ZNF93: variants seen among roughly 807,000 people sequenced by gnomAD.
ZNF93 encodes zinc finger protein 505.
ZNF93 carries 29 observed loss-of-function variants against 45.0 expected under a neutral mutation model. The observed-to-expected ratio is 0.64, with a 90% confidence interval of 0.48 to 0.88. The LOEUF (loss-of-function observed/expected upper bound fraction) is 0.88, where lower values mean the gene tolerates loss of function less well. ZNF93 is among the 40% of genes least tolerant of loss of function. ZNF93 has a pLI of 0.00. For synonymous variants in ZNF93, 223 were observed against 244.6 expected (o/e 0.91, Z 0.82); for missense variants, 578 against 724.0 (o/e 0.80, Z 2.31).
chr19:19,916,605 GA>G lies in ZNF93; in HGVS notation c.183del (p.Lys61AsnfsTer3), dbSNP rs781728912. Reference sequence around the variant, plus strand: ...GACCTGATCGCCCATCTGGAGCAAGGAAAAAAACCTTTGACTATGAAGAGAC... The same window carrying G: ...GACCTGATCGCCCATCTGGAGCAAGGAAAAAACCTTTGACTATGAAGAGAC... ...KPDLIAHLEQ[G>X]KKPLTMKRHE... On this transcript the variant is annotated frameshift_variant, in exon 3 of 4. Coordinates refer to ENST00000343769, the MANE Select transcript of ZNF93 (RefSeq NM_031218.4). LOFTEE classifies it high-confidence loss of function. The G allele has an allele frequency of 3.1e-6, 5 of 1,609,786 alleles. No individual in the cohort carries two copies. The highest frequency in any genetic ancestry group is 4.2e-6 in the Non-Finnish European group (5 of 1,178,698).
intron 3 of ZNF93, chr19:19,932,910 T>A (rs2063379043): frequency 4.7e-6 from 1 of 212,880 alleles, no homozygotes; most frequent in Non-Finnish European, 9.2e-6. Context: ...ATCTGTAGAT[T>A]AAATTGAGCA....
chr19:19,916,153 G>A (rs574885486), intron 2 of ZNF93, among the ~76,000 whole-genome samples: 97 of 148,856 alleles, frequency 6.5e-4, no homozygotes, highest in Middle Eastern at 3.5e-3. Context: ...TGCAACCTCC[G>A]ACTCCCAGGT....
At chr19:19,932,965 A>T in intron 3 of ZNF93, 1 of 340,060 alleles carries the variant, frequency 2.9e-6, no homozygotes. Context: ...TTTGTTTTTG[A>T]GATGGAGTTA....
chr19:19,917,542 T>G (rs1488341624), intron 3 of ZNF93, among the ~76,000 whole-genome samples: 1 of 152,182 alleles, frequency 6.6e-6, no homozygotes, highest in Non-Finnish European at 1.5e-5. Context: ...ATTTTCTGTT[T>G]TGGTAATTTA....
At chr19:19,922,033 T>C (rs1568510801) in intron 3 of ZNF93, among the ~76,000 whole-genome samples, 1 of 152,228 alleles carries the variant, frequency 6.6e-6, no homozygotes, top group Non-Finnish European at 1.5e-5. Flanking sequence ...AGTTTCTTCT[T>C]AGCCTCGATG....
intron 3 of ZNF93, among the ~76,000 whole-genome samples, chr19:19,928,408 G>C (rs1350188326): frequency 2.0e-5 from 3 of 152,214 alleles, no homozygotes; most frequent in African/African-American, 7.2e-5. Context: ...ATATATTGAA[G>C]AGTGTGTTTC....
intron 3 of ZNF93, among the ~76,000 whole-genome samples, chr19:19,930,106 G>A (rs947499303): frequency 6.6e-6 from 1 of 152,048 alleles, no homozygotes; most frequent in African/African-American, 2.4e-5. Flanking sequence ...AAAAGGGGCA[G>A]GGTAAAGAGT....
At chr19:19,918,647 A>T (rs2063332305) in intron 3 of ZNF93, among the ~76,000 whole-genome samples, 1 of 152,148 alleles carries the variant, frequency 6.6e-6, no homozygotes, top group Admixed American at 6.5e-5. Context: ...CGCCATTCTA[A>T]CTGGAGTGAG....
intron 3 of ZNF93, among the ~76,000 whole-genome samples, chr19:19,927,905 G>A (rs772994826): frequency 1.3e-5 from 2 of 151,986 alleles, no homozygotes; most frequent in Non-Finnish European, 2.9e-5. Flanking sequence ...ATGCCACATC[G>A]CCAAGCTAAT....
intron 3 of ZNF93, among the ~76,000 whole-genome samples, chr19:19,917,273 G>A (rs1205918150): frequency 1.3e-5 from 2 of 151,978 alleles, no homozygotes; most frequent in African/African-American, 4.8e-5. Flanking sequence ...CTGCAATTTT[G>A]ATAGGAAGTT....
At chr19:19,911,269 A>C (rs982430405) in intron 1 of ZNF93, among the ~76,000 whole-genome samples, 19 of 152,326 alleles carry the variant, frequency 1.2e-4, no homozygotes, top group African/African-American at 4.1e-4. Flanking sequence ...GGCCTGGGTC[A>C]CTGGGAATCT....
At chr19:19,912,476 C>A (rs904170821) in intron 1 of ZNF93, among the ~76,000 whole-genome samples, 47 of 142,536 alleles carry the variant, frequency 3.3e-4, no homozygotes, top group Non-Finnish European at 6.1e-4. Context: ...GCAGATAAAT[C>A]GGGAAAAAAA....
At chr19:19,914,154 T>C (rs2063317382) in intron 1 of ZNF93, among the ~76,000 whole-genome samples, 1 of 152,164 alleles carries the variant, frequency 6.6e-6, no homozygotes. Flanking sequence ...ATGTGGGTAC[T>C]CAAGATTCCT....
At chr19:19,918,971 T>C (rs1215258455) in intron 3 of ZNF93, among the ~76,000 whole-genome samples, 1 of 152,228 alleles carries the variant, frequency 6.6e-6, no homozygotes, top group African/African-American at 2.4e-5. Context: ...AGATCCCATT[T>C]GTCAATTTTG....
intron 3 of ZNF93, among the ~76,000 whole-genome samples, chr19:19,918,714 A>T (rs2063332527): frequency 6.6e-6 from 1 of 152,046 alleles, no homozygotes; most frequent in Non-Finnish European, 1.5e-5. Context: ...GATGATGAGC[A>T]TTTTTTCATG....
intron 3 of ZNF93, chr19:19,927,212 A>G (rs1371326929): frequency 2.5e-6 from 1 of 398,452 alleles, no homozygotes; most frequent in Non-Finnish European, 4.4e-6. Flanking sequence ...CCTGGGCAAC[A>G]TATGGAGACC....
chr19:19,915,102 CT>C (rs1491456441), intron 1 of ZNF93, among the ~76,000 whole-genome samples, 177 bp from the exon 2 acceptor site: 1 of 152,160 alleles, frequency 6.6e-6, no homozygotes, highest in African/African-American at 2.4e-5. Flanking sequence ...TAATGCTGCC[CT>C]TTTTTTCTCA....
At chr19:19,926,015 A>G (rs577920691) in intron 3 of ZNF93, 3 of 152,110 alleles carry the variant, frequency 2.0e-5, no homozygotes, top group Non-Finnish European at 4.4e-5. Context: ...GTGCATACCA[A>G]TGATTCAAAA....
Position 19,933,542 on chromosome 19 carries a change from C to G in ZNF93, c.587C>G (p.Thr196Ser). 1 of 1,608,048 alleles carries G rather than the reference C, an allele frequency of 6.2e-7. No individual in the cohort carries two copies. ...CTTATAACACATAAGAAAATTCATA[C>G]TGGAGAGAAACCCTACATTTGTGAA... ...STLITHKKIH[T>S]GEKPYICEEC... The change falls in exon 4 of 4, where the codon ACT (threonine) becomes AGT (serine). Residue 196 changes from threonine (T) to serine (S), a missense_variant. Thr to Ser is a moderately conservative substitution (Grantham distance 58, BLOSUM62 1). Transcript: ENST00000343769.
Sources: gnomAD v4.1 joint callset for allele counts (sites outside exome capture counted in the v4.1 genomes callset) on GRCh38, gnomAD v4.1.1 for gene constraint, MANE v1.5 for transcripts, NCBI Gene and HGNC (gene_info 2026-07-23, HGNC 2026-07-21) for gene names.